RFX4: variants seen among roughly 807,000 people sequenced by gnomAD.
RFX4 encodes the protein transcription factor RFX4.
Under a neutral mutation model 95.0 loss-of-function variants are expected in RFX4, and 10 were observed. The ratio of observed to expected loss-of-function variants is 0.11; its 90% CI spans 0.06 to 0.18. The LOEUF (loss-of-function observed/expected upper bound fraction) is 0.18. Among genes scored for constraint, RFX4 ranks in the 10% least tolerant of loss-of-function variants. RFX4 has a pLI of 1.00. For synonymous variants in RFX4, 321 were observed against 340.7 expected (o/e 0.94, Z 0.64); for missense variants, 640 against 922.0 (o/e 0.69, Z 3.96).
chr12:106,590,330 A>C (rs1359288639), intron 1 of RFX4, among the ~76,000 whole-genome samples: 1 of 152,262 alleles, frequency 6.6e-6, no homozygotes, highest in Non-Finnish European at 1.5e-5. Flanking sequence ...CACTTTGCTA[A>C]GCATTTTAAG....
intron 2 of RFX4, among the ~76,000 whole-genome samples, chr12:106,635,684 T>C (rs2040498181): frequency 6.6e-6 from 1 of 152,164 alleles, no homozygotes; most frequent in Admixed American, 6.5e-5. Context: ...GAAGTTGGGT[T>C]GTGAGGACAA....
chr12:106,651,557 G>A (rs186397569), intron 3 of RFX4, among the ~76,000 whole-genome samples: 3 of 152,252 alleles, frequency 2.0e-5, no homozygotes, highest in Admixed American at 6.5e-5. Context: ...CTGTACCTAT[G>A]GTCAGGAGTT....
chr12:106,666,446 G>T (rs956823757), intron 4 of RFX4, among the ~76,000 whole-genome samples: 2 of 151,992 alleles, frequency 1.3e-5, no homozygotes, highest in African/African-American at 2.4e-5. Flanking sequence ...CTGTGATTTG[G>T]TGTCTGACAT....
intron 1 of RFX4, among the ~76,000 whole-genome samples, chr12:106,589,875 C>T (rs554454460): frequency 3.9e-5 from 6 of 152,294 alleles, no homozygotes; most frequent in Admixed American, 1.3e-4. Context: ...TGTATCACAG[C>T]GGTTGAGTAG....
intron 2 of RFX4, among the ~76,000 whole-genome samples, chr12:106,625,273 T>C (rs975879064): frequency 6.6e-6 from 1 of 152,194 alleles, no homozygotes; most frequent in South Asian, 2.1e-4. Flanking sequence ...ATTGATTCAG[T>C]TGATTCGCTA....
chr12:106,746,355 C>CAAAA (rs531874659), intron 15 of RFX4, among the ~76,000 whole-genome samples: 1 of 67,274 alleles, frequency 1.5e-5, no homozygotes, highest in Admixed American at 1.8e-4. Context: ...GACTCCATCT[C>CAAAA]AAAAAAAAAA....
At chr12:106,649,935 T>C (rs2040827223) in intron 3 of RFX4, among the ~76,000 whole-genome samples, 1 of 152,142 alleles carries the variant, frequency 6.6e-6, no homozygotes, top group Non-Finnish European at 1.5e-5. Context: ...CCCACAACCA[T>C]TGCTTCAGTT....
Position 106,720,196 on chromosome 12 carries a change from A to G in RFX4, c.1233+142A>G. The stretch of plus-strand genomic sequence containing the variant: ...GGCCCCAGGAGGTGGAGGGGTCAGG[A>G]GGCAGGACTCTTGAGTCTTCCATCC... On this transcript the variant is annotated intron_variant, in intron 12 of 17. Coordinates refer to ENST00000392842, the MANE Select transcript of RFX4 (RefSeq NM_213594.3). This position sits in a 1 kb window ranked among gnomAD's most constrained non-coding sequence, Gnocchi z 4.2. 1.5e-6 allele frequency: 1 copy of G among 672,704 alleles called. No individual in the cohort carries two copies. Among genetic ancestry groups the G allele is most frequent in the South Asian group, 1.9e-5 (1 of 54,000 alleles). The allele number at this position is 672,704 out of a possible 1,614,324, so 41.7% of individuals were successfully genotyped here.
At chr12:106,709,567 T>A in intron 9 of RFX4, 137 bp downstream of exon 9, 1 of 598,696 alleles carries the variant, frequency 1.7e-6, no homozygotes, top group East Asian at 3.1e-5. Flanking sequence ...CTAATTACTT[T>A]ACATATGTAA....
intron 1 of RFX4, among the ~76,000 whole-genome samples, chr12:106,599,616 G>A (rs969262668): frequency 1.3e-5 from 2 of 152,130 alleles, no homozygotes; most frequent in African/African-American, 4.8e-5. Context: ...CTGATGAGGA[G>A]GAGACATAGA....
rs1244239423 is a variant in RFX4, at chr12:106,689,371, C to T, written c.669+7C>T. 1 of 1,605,448 alleles carries T rather than the reference C, an allele frequency of 6.2e-7. No individual in the cohort carries two copies. The highest frequency in any genetic ancestry group is 1.3e-5 in the African/African-American group (1 of 74,698). On this transcript the variant is annotated splice_region_variant and intron_variant, in intron 7 of 17. Coordinates refer to ENST00000392842, the MANE Select transcript of RFX4 (RefSeq NM_213594.3). ...AAGAGCCAACTTTGATGAGGTAGGT[C>T]AACAAGGGTTGAGCTGTGAATACTC...
At chr12:106,750,866 A>G in intron 17 of RFX4, 73 bp downstream of exon 17, 1 of 1,376,942 alleles carries the variant, frequency 7.3e-7, no homozygotes, top group South Asian at 1.9e-5. Flanking sequence ...CACAGTTCAT[A>G]AACTGTTATG....
At chr12:106,714,294 G>A (rs2042248168) in intron 10 of RFX4, among the ~76,000 whole-genome samples, 1 of 152,070 alleles carries the variant, frequency 6.6e-6, no homozygotes, top group African/African-American at 2.4e-5. Context: ...TCAGCAACGA[G>A]GCCAGGATTT....
chr12:106,584,525 C>G (rs930095210), intron 1 of RFX4, among the ~76,000 whole-genome samples: 4 of 152,148 alleles, frequency 2.6e-5, no homozygotes, highest in Non-Finnish European at 4.4e-5. Context: ...CAGCCCCGGC[C>G]GTCCCCTGAG....
chr12:106,591,118 G>T (rs7487532), intron 1 of RFX4, among the ~76,000 whole-genome samples: 152,234 of 152,234 alleles, frequency 1, 76,117 homozygotes, highest in Non-Finnish European at 1. Flanking sequence ...GAAGCTGTAT[G>T]GACAATCTCT....
intron 8 of RFX4, among the ~76,000 whole-genome samples, chr12:106,702,005 T>C (rs1230903913): frequency 7.9e-5 from 12 of 152,104 alleles, no homozygotes; most frequent in African/African-American, 7.2e-5. Flanking sequence ...CTGTCTCTAA[T>C]AATAATTATT....
chr12:106,645,941 G>A, intron 3 of RFX4: 1 of 1,289,178 alleles, frequency 7.8e-7, no homozygotes. Context: ...AGAAAGGTCA[G>A]TTAAGCTGGA....
At chr12:106,625,356 C>G (rs1052656671) in intron 2 of RFX4, among the ~76,000 whole-genome samples, 1 of 152,086 alleles carries the variant, frequency 6.6e-6, no homozygotes, top group African/African-American at 2.4e-5. Context: ...GAAAGAAAAC[C>G]CTGGACCAGT....
intron 13 of RFX4, among the ~76,000 whole-genome samples, chr12:106,721,761 G>A (rs1038140792): frequency 1.3e-5 from 2 of 152,188 alleles, no homozygotes; most frequent in African/African-American, 4.8e-5. Context: ...AGTAAGGGTT[G>A]TGGTTTTGTT....
Sources: allele counts gnomAD v4.1 joint callset (sites outside exome capture counted in the v4.1 genomes callset), GRCh38; gene constraint gnomAD v4.1.1; non-coding constraint Gnocchi (gnomAD v3.1); transcripts MANE v1.5; gene names NCBI Gene and HGNC (gene_info 2026-07-23, HGNC 2026-07-21).